The following ENOX2 variants were observed in gnomAD, a reference collection of about 807,000 sequenced individuals.
ENOX2 encodes the protein APK1 antigen.
A neutral mutation model predicts 45.0 loss-of-function variants in ENOX2; 36 were observed. The observed-to-expected ratio is 0.80, with a 90% CI of 0.61 to 1.06. The LOEUF (loss-of-function observed/expected upper bound fraction) is 1.06. Ranked by LOEUF, ENOX2 falls within the 50% of genes least tolerant of loss-of-function variation. The pLI is 0.00. For synonymous variants in ENOX2, 174 were observed against 152.3 expected, an observed-to-expected ratio of 1.14 and a Z score of -1.05; for missense variants, 423 against 462.5, an observed-to-expected ratio of 0.91 and a Z score of 0.78.
intron 5 of ENOX2, among the ~76,000 whole-genome samples, chrX:130,683,904 T>C (rs147215800): frequency 2.0e-3 from 229 of 112,022 alleles, no homozygotes; most frequent in African/African-American, 7.1e-3. Context: ...TCTGCTCCAG[T>C]CTAGTTTGAT....
intron 3 of ENOX2, among the ~76,000 whole-genome samples, chrX:130,755,022 TAG>T (rs1262510864): frequency 1.8e-5 from 2 of 112,270 alleles, no homozygotes; most frequent in Non-Finnish European, 3.8e-5. Flanking sequence ...ACATAAAATA[TAG>T]AGTCTGAACA....
chrX:130,903,176 C>A lies in ENOX2; in HGVS notation c.-358G>T, dbSNP rs1185431755. 1 of 113,008 alleles carries A rather than the reference C, an allele frequency of 8.8e-6. No individual in the cohort carries two copies. The highest frequency in any genetic ancestry group is 1.9e-5 in the Non-Finnish European group (1 of 53,339). 9.3% of individuals were successfully genotyped at this position (113,008 alleles called of 1,213,427 possible). A position where few individuals can be genotyped will look rare whatever the true frequency, so the allele number is the denominator to read the frequency against. Reference sequence around the variant, plus strand: ...CCGCGCCACTCTCTTCCGAAATGCCCGCCTCGCGCTTCCAGGCCTAGACCC... The same window carrying A: ...CCGCGCCACTCTCTTCCGAAATGCCAGCCTCGCGCTTCCAGGCCTAGACCC... On this transcript the variant is annotated 5_prime_UTR_variant, in exon 1 of 15. Coordinates refer to ENST00000394363, the MANE Select transcript of ENOX2 (RefSeq NM_006375.4).
rs181836119 is a variant in ENOX2, at chrX:130,700,791, T to G, written c.97+2329A>C. Among the ~76,000 whole-genome samples the G allele has an allele frequency of 4.3e-3, 485 of 111,870 alleles. 1 individual carries two copies. Among genetic ancestry groups the G allele is most frequent in the South Asian group, 8.3e-3 (22 of 2,644 alleles). On this transcript the variant is annotated intron_variant, in intron 4 of 14. Transcript: ENST00000394363. Reference sequence around the variant, plus strand: ...TAGGACACTATCATTATCTCCATTTTACAGATGAGAAAACTGAGGAACAGA... The same window carrying G: ...TAGGACACTATCATTATCTCCATTTGACAGATGAGAAAACTGAGGAACAGA...
rs190654704 is a variant in ENOX2 at position 130,859,092 on chromosome X, C to T, written c.-183+42592G>A. On this transcript the variant is annotated intron_variant, in intron 2 of 14. Transcript: ENST00000394363. Reference sequence around the variant, plus strand: ...CCTGTAATCCCAGCACGTTGGGAGGCCAAGGTGGATCATGAGGTCAGCAGT... The same window carrying T: ...CCTGTAATCCCAGCACGTTGGGAGGTCAAGGTGGATCATGAGGTCAGCAGT... Among the ~76,000 whole-genome samples the T allele has an allele frequency of 2.0e-3, 230 of 112,299 alleles. 4 individuals carry two copies. The highest frequency in any genetic ancestry group is 0.02 in the Admixed American group (215 of 10,669).
chrX:130,840,522 AAAATAAATAAATAAAT>A (rs61403363), intron 2 of ENOX2, among the ~76,000 whole-genome samples: 12 of 103,221 alleles, frequency 1.2e-4, no homozygotes, highest in South Asian at 8.6e-4. Flanking sequence ...TCTCTTTTAA[AAAATAAATAAATAAAT>A]AAATAAATAA....
intron 2 of ENOX2, among the ~76,000 whole-genome samples, chrX:130,835,495 T>C (rs1206980535): frequency 1.8e-5 from 2 of 111,255 alleles, no homozygotes; most frequent in Non-Finnish European, 3.8e-5. Context: ...TTGCCACCAA[T>C]AGAATACATA....
At position 130,623,396 on chromosome X, in the gene ENOX2, G is replaced by C. The variant is rs1034036382; in HGVS notation, c.*1918C>G. 3.6e-5 allele frequency: 4 copies of C among 109,887 alleles called. No individual in the cohort carries two copies. Among genetic ancestry groups the C allele is most frequent in the Non-Finnish European group, 7.6e-5 (4 of 52,787 alleles). The allele number at this position is 109,887 out of a possible 1,213,427, so 9.1% of individuals were successfully genotyped here. A position where few individuals can be genotyped will look rare whatever the true frequency, so the allele number is the denominator to read the frequency against. Reference sequence around the variant, plus strand: ...TTCTTTTATTTTTTAAGTAAGTTCCGGGGTACATGTGCAGGATGTGCAGGT... The same window carrying C: ...TTCTTTTATTTTTTAAGTAAGTTCCCGGGTACATGTGCAGGATGTGCAGGT... On this transcript the variant is annotated 3_prime_UTR_variant, in exon 15 of 15. Transcript: ENST00000394363.
intron 4 of ENOX2, among the ~76,000 whole-genome samples, chrX:130,702,720 C>T (rs1281557318): frequency 9.0e-6 from 1 of 111,542 alleles, no homozygotes; most frequent in Non-Finnish European, 1.9e-5. Flanking sequence ...TGTCCTCCAC[C>T]GTCTCCTTTC....
chrX:130,805,671 A>G (rs2077287033), intron 2 of ENOX2, among the ~76,000 whole-genome samples: 1 of 111,762 alleles, frequency 8.9e-6, no homozygotes, highest in Non-Finnish European at 1.9e-5. Flanking sequence ...GACACATTTT[A>G]CAATGGTCCT....
chrX:130,688,577 G>C (rs760171623), intron 5 of ENOX2, among the ~76,000 whole-genome samples: 1 of 112,329 alleles, frequency 8.9e-6, no homozygotes, highest in Non-Finnish European at 1.9e-5. Context: ...AGATGATGGT[G>C]TTGAGCAATC....
At chrX:130,811,873 T>TAAAC (rs777365775) in intron 2 of ENOX2, among the ~76,000 whole-genome samples, 33 of 111,869 alleles carry the variant, frequency 2.9e-4, no homozygotes, top group African/African-American at 7.1e-4. Context: ...TTGAAATTAT[T>TAAAC]AAACAAACAA....
intron 4 of ENOX2, 104 bp downstream of exon 4, chrX:130,703,016 A>G (rs2037939486): frequency 1.1e-6 from 1 of 884,045 alleles, no homozygotes; most frequent in Non-Finnish European, 1.6e-6. Context: ...TCTAGGCAGA[A>G]TCTGGTAAAT....
chrX:130,651,628 C>A (rs954336114), intron 10 of ENOX2, among the ~76,000 whole-genome samples: 1 of 111,912 alleles, frequency 8.9e-6, no homozygotes, highest in Non-Finnish European at 1.9e-5. Context: ...AATACACACT[C>A]ATGTTGGCCC....
chrX:130,855,008 G>A (rs1288121068), intron 2 of ENOX2, among the ~76,000 whole-genome samples: 1 of 111,577 alleles, frequency 9.0e-6, no homozygotes, highest in Non-Finnish European at 1.9e-5. Context: ...ATAAGGCAAA[G>A]ACATATCCTG....
rs933449503 is a variant in ENOX2 at position 130,704,314 on chromosome X, T to A, written c.-38-1060A>T. ...GAATGGACCAGATTTATATAGAGCA[T>A]GTCATGAGTGATGAGCAGTTATTAG... On this transcript the variant is annotated intron_variant, in intron 3 of 14. Coordinates refer to ENST00000394363, the MANE Select transcript of ENOX2 (RefSeq NM_006375.4). Among the ~76,000 whole-genome samples, 6 of 111,538 alleles carry A rather than the reference T, an allele frequency of 5.4e-5. No homozygotes were observed. The Admixed American group carries it at 5.7e-4, about 11-fold the overall frequency.
At position 130,703,232 on chromosome X, in the gene ENOX2, G is replaced by A. The variant is rs751508036; in HGVS notation, c.-16C>T. On this transcript the variant is annotated 5_prime_UTR_variant, in exon 4 of 15. It adds an upstream start codon to the 5' untranslated region. Transcript: ENST00000394363. ...GTAGTGTCATTGCAGTGGAATCCAC[G>A]TTCAGAGTTCTACTGTTATCGGCTG... 9 of 1,200,982 alleles carry A rather than the reference G, an allele frequency of 7.5e-6. No individual in the cohort carries two copies. Among genetic ancestry groups the A allele is most frequent in the South Asian group, 3.7e-5 (2 of 54,770 alleles).
chrX:130,742,242 T>C (rs959141850), intron 3 of ENOX2, among the ~76,000 whole-genome samples: 43 of 103,341 alleles, frequency 4.2e-4, no homozygotes, highest in Non-Finnish European at 5.9e-4. Context: ...TACAGATAAT[T>C]TCCTTTTTTT....
chrX:130,645,784 T>C (rs2036217018), intron 10 of ENOX2: 2 of 819,472 alleles, frequency 2.4e-6, no homozygotes, highest in South Asian at 2.2e-5. Flanking sequence ...GTTCTCGTCC[T>C]GGTCTTTGGG....
At chrX:130,756,072 A>T (rs908546578) in intron 3 of ENOX2, among the ~76,000 whole-genome samples, 45 of 112,321 alleles carry the variant, frequency 4.0e-4, no homozygotes, top group Non-Finnish European at 4.7e-4. Context: ...TTTTTCAAAC[A>T]TTTCTAAAGC....
Sources: gnomAD v4.1 joint callset for allele counts (sites outside exome capture counted in the v4.1 genomes callset) on GRCh38, gnomAD v4.1.1 for gene constraint, MANE v1.5 for transcripts, NCBI Gene and HGNC (gene_info 2026-07-23, HGNC 2026-07-21) for gene names.